Variants in AGFG2 observed in about 807,000 individuals in gnomAD.
The protein encoded by AGFG2 is arf-GAP domain and FG repeat-containing protein 2.
In AGFG2, 31 loss-of-function variants were observed where a neutral mutation model predicts 48.0. The ratio of observed to expected loss-of-function variants is 0.65; its 90% CI spans 0.49 to 0.87. The LOEUF (loss-of-function observed/expected upper bound fraction) is 0.87. Ranked by LOEUF, AGFG2 falls within the 40% of genes least tolerant of loss-of-function variation. The pLI is 0.00. For synonymous variants in AGFG2, 229 were observed against 260.8 expected, an observed-to-expected ratio of 0.88 and a Z score of 1.18; for missense variants, 599 against 632.6, an observed-to-expected ratio of 0.95 and a Z score of 0.57.
intron 3 of AGFG2, among the ~76,000 whole-genome samples, chr7:100,551,030 T>TTTTATTTATATA (rs1378400368): frequency 3.6e-5 from 2 of 56,036 alleles, no homozygotes; most frequent in African/African-American, 1.9e-4. Flanking sequence ...CCTGGCTAAT[T>TTTTATTTATATA]TATATATATA....
At chr7:100,564,160 C>T in intron 10 of AGFG2, 58 bp from the exon 11 acceptor site, 1 of 1,573,402 alleles carries the variant, frequency 6.4e-7, no homozygotes, top group Admixed American at 1.8e-5. Flanking sequence ...GCCCCCCTTG[C>T]TGTCCGCCTG....
At position 100,539,359 on chromosome 7, in the gene AGFG2, G is replaced by A; in HGVS notation, c.13G>A (p.Ala5Thr). The change falls in exon 1 of 12, where the codon GCG (alanine) becomes ACG (threonine). Residue 5 changes from alanine (A) to threonine (T), a missense_variant. Transcript: ENST00000300176. The stretch of plus-strand genomic sequence containing the variant: ...GGAGTGGGCAGCGATGGTGATGGCG[G>A]CGAAGAAGGGCCCGGGCCCGGGCGG... MVMA[A>T]KKGPGPGGGV... is the part of the protein sequence containing the mutation. 7.9e-7 allele frequency: 1 copy of A among 1,269,980 alleles called. No homozygotes were observed. Among genetic ancestry groups the A allele is most frequent in the Non-Finnish European group, 1.0e-6 (1 of 1,004,102 alleles). 78.7% of individuals were successfully genotyped at this position (1,269,980 alleles called of 1,614,324 possible). A position where few individuals can be genotyped will look rare whatever the true frequency, so the allele number is the denominator to read the frequency against.
At chr7:100,564,076 G>A in intron 10 of AGFG2, 114 bp downstream of exon 10, 3 of 1,555,618 alleles carry the variant, frequency 1.9e-6, no homozygotes, top group South Asian at 1.2e-5. Context: ...TGACCAGCAG[G>A]GGGGACCAGG....
intron 1 of AGFG2, 114 bp downstream of exon 1, chr7:100,539,681 A>T: frequency 3.8e-6 from 3 of 796,280 alleles, no homozygotes; most frequent in East Asian, 4.0e-5. Context: ...GGCGGAGGGG[A>T]GGTCAGGGAA....
intron 6 of AGFG2, among the ~76,000 whole-genome samples, chr7:100,558,849 TCAGTCA>T (rs376368486): frequency 9.9e-4 from 150 of 152,216 alleles, no homozygotes; most frequent in African/African-American, 3.4e-3. Context: ...CAAAAAGCAG[TCAGTCA>T]CTGGGCGCAG....
At chr7:100,555,228 T>C (rs1800732226) in intron 5 of AGFG2, among the ~76,000 whole-genome samples, 1 of 149,816 alleles carries the variant, frequency 6.7e-6, no homozygotes. Context: ...GATAGGCATA[T>C]ACATTTTCTT....
chr7:100,544,091 G>A (rs1262784174), intron 1 of AGFG2, among the ~76,000 whole-genome samples: 5 of 152,216 alleles, frequency 3.3e-5, no homozygotes, highest in Admixed American at 2.0e-4. Context: ...GAATGCGTCT[G>A]TGAATGAACC....
chr7:100,539,385 CG>C lies in AGFG2; in HGVS notation c.43del (p.Val15SerfsTer60). The C allele has an allele frequency of 7.8e-7, 1 of 1,282,786 alleles. No homozygotes were observed. 79.5% of individuals were successfully genotyped at this position (1,282,786 alleles called of 1,614,324 possible). A position where few individuals can be genotyped will look rare whatever the true frequency, so the allele number is the denominator to read the frequency against. ...CGAAGAAGGGCCCGGGCCCGGGCGG[CG>C]GGGTCAGCGGGGGCAAGGCGGAGGC... is the stretch of plus-strand genomic sequence containing the variant. ...AAKKGPGPGG[G>X]VSGGKAEAEA... is the part of the protein sequence containing the mutation. On this transcript the variant is annotated frameshift_variant, in exon 1 of 12. Transcript: ENST00000300176. LOFTEE classifies it high-confidence loss of function.
At chr7:100,558,032 G>A (rs1311558254) in intron 6 of AGFG2, among the ~76,000 whole-genome samples, 1 of 152,008 alleles carries the variant, frequency 6.6e-6, no homozygotes, top group Non-Finnish European at 1.5e-5. Flanking sequence ...TTGCCGATAT[G>A]GTGAAACCCT....
chr7:100,555,904 G>A (rs1335636591), intron 6 of AGFG2, 169 bp downstream of exon 6: 14 of 888,142 alleles, frequency 1.6e-5, no homozygotes, highest in Non-Finnish European at 2.0e-5. Flanking sequence ...TCTTGTCAGG[G>A]AGAGGGGGCT....
intron 9 of AGFG2, 144 bp from the exon 10 acceptor site, chr7:100,563,689 AG>A (rs1371914151): frequency 8.2e-7 from 1 of 1,223,088 alleles, no homozygotes; most frequent in Non-Finnish European, 1.1e-6. Context: ...TGTGAGAAGC[AG>A]AAGAGTTCCA....
rs908943629 is a variant in AGFG2 at position 100,565,258 on chromosome 7, G to T, written c.*267G>T. The stretch of plus-strand genomic sequence containing the variant: ...TGGAGGAGTGATGGTTGAGGGGGAG[G>T]GATTTTTTTCAAATGATCAGTCCCC... On this transcript the variant is annotated 3_prime_UTR_variant, in exon 12 of 12. Transcript: ENST00000300176. 3 of 551,922 alleles carry T rather than the reference G, an allele frequency of 5.4e-6. No homozygotes were observed. In the Admixed American group the frequency reaches 9.4e-5, roughly 17 times the overall value. The allele number at this position is 551,922 out of a possible 1,614,324, so 34.2% of individuals were successfully genotyped here. A position where few individuals can be genotyped will look rare whatever the true frequency, so the allele number is the denominator to read the frequency against.
At chr7:100,555,954 T>C in intron 6 of AGFG2, 1 of 534,606 alleles carries the variant, frequency 1.9e-6, no homozygotes, top group African/African-American at 1.9e-5. Context: ...ATGACTAAGA[T>C]TGCAGCAGGA....
intron 1 of AGFG2, among the ~76,000 whole-genome samples, chr7:100,548,557 C>T (rs1394956769): frequency 2.0e-5 from 3 of 152,136 alleles, no homozygotes; most frequent in South Asian, 2.1e-4. Flanking sequence ...AAGTGAGCTG[C>T]CTGCCTCGGC....
intron 1 of AGFG2, among the ~76,000 whole-genome samples, chr7:100,545,060 G>A (rs1800488444): frequency 6.6e-6 from 1 of 152,234 alleles, no homozygotes; most frequent in African/African-American, 2.4e-5. Flanking sequence ...AGCTAAACTG[G>A]TTTAGTTGTA....
At chr7:100,542,490 T>C (rs569205812) in intron 1 of AGFG2, among the ~76,000 whole-genome samples, 2 of 152,214 alleles carry the variant, frequency 1.3e-5, no homozygotes, top group African/African-American at 2.4e-5. Context: ...TGAAGCTGAA[T>C]TGAAGGTATG....
intron 1 of AGFG2, among the ~76,000 whole-genome samples, chr7:100,540,905 G>A (rs1800409779): frequency 6.6e-6 from 1 of 151,282 alleles, no homozygotes; most frequent in African/African-American, 2.4e-5. Context: ...CCAGCTACTT[G>A]GGAGGCTGAG....
chr7:100,545,858 C>T (rs148397003), intron 1 of AGFG2, among the ~76,000 whole-genome samples: 1 of 152,168 alleles, frequency 6.6e-6, no homozygotes, highest in African/African-American at 2.4e-5. Flanking sequence ...AGGGGGCTCT[C>T]GTTTCTAAAT....
At position 100,564,927 on chromosome 7, in the gene AGFG2, T is replaced by C. The variant is rs1050934817; in HGVS notation, c.1387-5T>C. 1 of 1,614,010 alleles carries C rather than the reference T, an allele frequency of 6.2e-7. No homozygotes were observed. The highest frequency in any genetic ancestry group is 8.5e-7 in the Non-Finnish European group (1 of 1,179,882). ...ACTGGAAAATGTATTGTTCTTTCTT[T>C]CCAGACTGGACCCTCATCAAGCCCA... On this transcript the variant is annotated splice_region_variant and splice_polypyrimidine_tract_variant and intron_variant, in intron 11 of 11. Transcript: ENST00000300176.
Sources: gnomAD v4.1 joint callset for allele counts (sites outside exome capture counted in the v4.1 genomes callset) on GRCh38, gnomAD v4.1.1 for gene constraint, MANE v1.5 for transcripts, NCBI Gene and HGNC (gene_info 2026-07-23, HGNC 2026-07-21) for gene names.